The following DSCAM variants were observed in gnomAD, a reference collection of about 807,000 sequenced individuals.
The protein encoded by DSCAM is DS cell adhesion molecule.
DSCAM carries 47 observed loss-of-function variants against 217.7 expected under a neutral mutation model. The ratio of observed to expected loss-of-function variants is 0.22; its 90% CI spans 0.17 to 0.28. The LOEUF is 0.28. DSCAM is among the 10% of genes least tolerant of loss of function. The probability of loss-of-function intolerance (pLI) is 1.00; values close to 1 mark genes in which losing one functional copy is unlikely to be tolerated. For synonymous variants in DSCAM, 1,056 were observed against 1,015.3 expected (o/e 1.04, Z -0.76); for missense variants, 2,080 against 2,618.3 (o/e 0.79, Z 4.49).
At position 40,598,641 on chromosome 21, in the gene DSCAM, A is replaced by G. The variant is rs2077040160; in HGVS notation, c.508+94169T>C. On this transcript the variant is annotated intron_variant, in intron 3 of 32. Coordinates refer to ENST00000400454, the MANE Select transcript of DSCAM (RefSeq NM_001389.5). Reference sequence around the variant, plus strand: ...TGCCTCAGCCTCCCAAGTAGCTGGGATTACAGGTGCACGCCATGACACCCG... The same window carrying G: ...TGCCTCAGCCTCCCAAGTAGCTGGGGTTACAGGTGCACGCCATGACACCCG... Among the ~76,000 whole-genome samples, 4 of 150,592 alleles carry G rather than the reference A, an allele frequency of 2.7e-5. 1 individual carries two copies. The South Asian group carries it at 8.4e-4, about 32-fold the overall frequency.
chr21:40,768,880 A>T (rs1232708581), intron 1 of DSCAM, among the ~76,000 whole-genome samples: 1 of 152,226 alleles, frequency 6.6e-6, no homozygotes, highest in Non-Finnish European at 1.5e-5. Flanking sequence ...AAGAGGAAAA[A>T]ACAAGGCATT....
At chr21:40,420,693 T>C (rs2075415478) in intron 3 of DSCAM, among the ~76,000 whole-genome samples, 1 of 152,218 alleles carries the variant, frequency 6.6e-6, no homozygotes, top group Non-Finnish European at 1.5e-5. Flanking sequence ...CCAATATGCC[T>C]GGTATCTTTA....
intron 3 of DSCAM, among the ~76,000 whole-genome samples, chr21:40,661,298 G>A (rs1021542596): frequency 2.6e-5 from 4 of 152,106 alleles, no homozygotes; most frequent in Non-Finnish European, 5.9e-5. Context: ...TCTAACACTC[G>A]TATTCATAAA....
chr21:40,517,404 AAC>A (rs3070750), intron 3 of DSCAM, among the ~76,000 whole-genome samples: 4,393 of 144,684 alleles, frequency 0.03, 62 homozygotes, highest in Middle Eastern at 0.086. Context: ...ACACACAAGC[AAC>A]ACACACACAC....
chr21:40,042,244 T>C, intron 32 of DSCAM, 127 bp downstream of exon 32: 1 of 964,632 alleles, frequency 1.0e-6, no homozygotes, highest in Non-Finnish European at 1.5e-6. Flanking sequence ...TGGTTTGTTA[T>C]GCAGCCATCC....
intron 3 of DSCAM, among the ~76,000 whole-genome samples, chr21:40,558,940 T>C (rs2076694166): frequency 6.6e-6 from 1 of 152,240 alleles, no homozygotes; most frequent in African/African-American, 2.4e-5. Context: ...TCATTTGTAT[T>C]ATGTGCATAA....
chr21:40,505,766 G>T (rs1302412039), intron 3 of DSCAM, among the ~76,000 whole-genome samples: 1 of 152,106 alleles, frequency 6.6e-6, no homozygotes, highest in African/African-American at 2.4e-5. Context: ...AATCACTCGA[G>T]GAGTTACTCT....
intron 3 of DSCAM, among the ~76,000 whole-genome samples, chr21:40,689,213 C>T (rs1287059997): frequency 6.6e-6 from 1 of 152,190 alleles, no homozygotes; most frequent in Admixed American, 6.5e-5. Context: ...TTTAATTTTG[C>T]TTTTCATTAA....
At chr21:40,425,545 A>G (rs2075465182) in intron 3 of DSCAM, among the ~76,000 whole-genome samples, 1 of 151,434 alleles carries the variant, frequency 6.6e-6, no homozygotes, top group South Asian at 2.1e-4. Flanking sequence ...CCCCCTAAAA[A>G]AAAAAACATA....
intron 1 of DSCAM, among the ~76,000 whole-genome samples, chr21:40,798,698 GAAT>G (rs1483091691): frequency 6.6e-6 from 1 of 152,010 alleles, no homozygotes; most frequent in African/African-American, 2.4e-5. Flanking sequence ...AGTAAAAAAA[GAAT>G]AAAACAATCA....
At chr21:40,090,233 C>T (rs1194661735) in intron 21 of DSCAM, among the ~76,000 whole-genome samples, 1 of 152,162 alleles carries the variant, frequency 6.6e-6, no homozygotes, top group Non-Finnish European at 1.5e-5. Context: ...TTCCCGTTAC[C>T]ACATAAACAT....
intron 3 of DSCAM, among the ~76,000 whole-genome samples, chr21:40,570,039 G>A (rs2076794436): frequency 6.6e-6 from 1 of 152,118 alleles, no homozygotes; most frequent in Non-Finnish European, 1.5e-5. Context: ...ACCCTGCAGT[G>A]GCCTTCAAAG....
chr21:40,156,302 AGAG>A (rs2090477314), intron 16 of DSCAM, among the ~76,000 whole-genome samples: 3 of 117,206 alleles, frequency 2.6e-5, no homozygotes, highest in African/African-American at 1.4e-4. Context: ...AGAGAGAGAG[AGAG>A]AGAGAGAGAG....
chr21:40,695,735 AAGAC>A (rs2090587792), intron 2 of DSCAM, among the ~76,000 whole-genome samples: 1 of 152,234 alleles, frequency 6.6e-6, no homozygotes, highest in African/African-American at 2.4e-5. Context: ...AATATATAGA[AAGAC>A]AGAGCTTCCA....
At chr21:40,695,189 C>G (rs2090582974) in intron 2 of DSCAM, among the ~76,000 whole-genome samples, 1 of 152,070 alleles carries the variant, frequency 6.6e-6, no homozygotes, top group Non-Finnish European at 1.5e-5. Flanking sequence ...TTCCATGTAT[C>G]AGACAGGAAA....
chr21:40,378,649 T>C (rs2074989675), intron 3 of DSCAM, among the ~76,000 whole-genome samples: 1 of 124,728 alleles, frequency 8.0e-6, no homozygotes, highest in Admixed American at 1.0e-4. Flanking sequence ...TGGAGTGCAG[T>C]GGCGCGATCT....
intron 3 of DSCAM, among the ~76,000 whole-genome samples, chr21:40,394,126 A>G (rs950627803): frequency 1.3e-5 from 2 of 152,236 alleles, no homozygotes; most frequent in Admixed American, 6.5e-5. Flanking sequence ...GTTTAATGCA[A>G]TGACAATCTT....
At chr21:40,400,264 AC>A (rs1032664912) in intron 3 of DSCAM, among the ~76,000 whole-genome samples, 44 of 152,160 alleles carry the variant, frequency 2.9e-4, no homozygotes, top group Non-Finnish European at 1.5e-4. Context: ...TGAAATAGTA[AC>A]CCCATTACAT....
At chr21:40,709,909 C>T (rs2090759653) in intron 1 of DSCAM, among the ~76,000 whole-genome samples, 1 of 152,206 alleles carries the variant, frequency 6.6e-6, no homozygotes, top group East Asian at 1.9e-4. Flanking sequence ...CTTGAGGAAT[C>T]TCCACACTGT....
Sources: gnomAD v4.1 joint callset for allele counts (sites outside exome capture counted in the v4.1 genomes callset) on GRCh38, gnomAD v4.1.1 for gene constraint, MANE v1.5 for transcripts, NCBI Gene and HGNC (gene_info 2026-07-23, HGNC 2026-07-21) for gene names.